The following USH2A variants were observed in gnomAD, a reference collection of about 807,000 sequenced individuals.
USH2A encodes the protein usherin, also known as Usher syndrome 2A (autosomal recessive, mild).
USH2A carries 443 observed loss-of-function variants against 538.9 expected under a neutral mutation model. The observed-to-expected ratio is 0.82, with a 90% confidence interval of 0.76 to 0.89. The LOEUF (loss-of-function observed/expected upper bound fraction) is 0.89, where lower values mean the gene tolerates loss of function less well. USH2A is among the 40% of genes least tolerant of loss of function. The pLI, the probability that USH2A is intolerant of heterozygous loss-of-function variation, is 0.00. For synonymous variants in USH2A, 2,413 were observed against 2,273.5 expected (o/e 1.06, Z -1.75); for missense variants, 6,633 against 6,324.8 (o/e 1.05, Z -1.65).
intron 36 of USH2A, among the ~76,000 whole-genome samples, chr1:215,965,683 C>G (rs1487233564): frequency 6.6e-6 from 1 of 152,068 alleles, no homozygotes; most frequent in African/African-American, 2.4e-5. Context: ...AGAATTTGAG[C>G]TCTTGACCAA....
At chr1:216,301,099 G>C (rs565322458) in intron 9 of USH2A, among the ~76,000 whole-genome samples, 4 of 151,860 alleles carry the variant, frequency 2.6e-5, no homozygotes, top group African/African-American at 9.7e-5. Context: ...TACAGAGAAA[G>C]TAGAAACTTG....
intron 59 of USH2A, among the ~76,000 whole-genome samples, chr1:215,741,980 C>T (rs1317732401): frequency 6.6e-6 from 1 of 152,118 alleles, no homozygotes; most frequent in Non-Finnish European, 1.5e-5. Flanking sequence ...ATAAAACAAT[C>T]TATTTGAAGG....
intron 52 of USH2A, among the ~76,000 whole-genome samples, chr1:215,784,439 C>A (rs1226742825): frequency 6.6e-6 from 1 of 152,172 alleles, no homozygotes. Context: ...CTCAAGCCCA[C>A]ATTACCATTT....
intron 48 of USH2A, among the ~76,000 whole-genome samples, chr1:215,815,406 ATTT>A (rs5780858): frequency 1.0e-4 from 15 of 146,528 alleles, no homozygotes; most frequent in Middle Eastern, 3.5e-3. Context: ...GACCCGTATG[ATTT>A]TTTTTTTTTT....
intron 32 of USH2A, among the ~76,000 whole-genome samples, chr1:216,007,660 A>G (rs920657626): frequency 1.3e-5 from 2 of 152,224 alleles, no homozygotes; most frequent in Admixed American, 1.3e-4. Context: ...CAGTTGCCCA[A>G]GTGTGATGTA....
At chr1:216,373,192 C>A (rs1259697938) in intron 3 of USH2A, among the ~76,000 whole-genome samples, 1 of 152,072 alleles carries the variant, frequency 6.6e-6, no homozygotes, top group South Asian at 2.1e-4. Context: ...AAAGCACAGA[C>A]CTTTTCTTCA....
chr1:215,627,429 C>CTTCCTTCTTTCCTTCCTTCT (rs1558027400), intron 71 of USH2A, among the ~76,000 whole-genome samples: 97 of 83,996 alleles, frequency 1.2e-3, no homozygotes, highest in South Asian at 1.7e-3. Flanking sequence ...TCCTTCCTTC[C>CTTCCTTCTTTCCTTCCTTCT]TTCCTTCCTT....
chr1:215,800,233 T>C (rs1463612759), intron 49 of USH2A, among the ~76,000 whole-genome samples: 1 of 152,118 alleles, frequency 6.6e-6, no homozygotes. Flanking sequence ...ATGACCCCAC[T>C]GTGGTTGTCT....
In USH2A at chr1:215,809,099, T is replaced by C. The variant is rs138725165; in HGVS notation, c.9739+4637A>G. On this transcript the variant is annotated intron_variant, in intron 49 of 71. Coordinates refer to ENST00000307340, the MANE Select transcript of USH2A (RefSeq NM_206933.4). ...GAGACCAATGAAGGAGCAACGAGCT[T>C]ATTGTAAACAGTAAAGTTACTGTAT... 3.7e-3 allele frequency among the ~76,000 whole-genome samples: 559 copies of C among 152,268 alleles called. 3 individuals are homozygous for C. Among genetic ancestry groups the C allele is most frequent in the African/African-American group, 0.013 (531 of 41,566 alleles).
At chr1:216,367,035 G>A (rs1405220553) in intron 3 of USH2A, among the ~76,000 whole-genome samples, 1 of 151,984 alleles carries the variant, frequency 6.6e-6, no homozygotes, top group East Asian at 1.9e-4. Flanking sequence ...GTTCTCAGTG[G>A]TATTAATGCA....
At chr1:216,391,948 T>C (rs971072557) in intron 3 of USH2A, among the ~76,000 whole-genome samples, 2 of 152,200 alleles carry the variant, frequency 1.3e-5, no homozygotes, top group African/African-American at 4.8e-5. Context: ...CTTGCCTCTG[T>C]TAAATCTCTC....
At chr1:216,144,420 A>C (rs970619134) in intron 21 of USH2A, among the ~76,000 whole-genome samples, 3 of 152,140 alleles carry the variant, frequency 2.0e-5, no homozygotes, top group Admixed American at 1.3e-4. Flanking sequence ...ACCAAGTTAA[A>C]CAAAACACAT....
chr1:216,151,337 G>A (rs538715939), intron 21 of USH2A, among the ~76,000 whole-genome samples: 3 of 152,162 alleles, frequency 2.0e-5, no homozygotes, highest in South Asian at 2.1e-4. Flanking sequence ...ACCTACATGT[G>A]TCTACCTGCC....
At chr1:216,174,551 T>A in intron 21 of USH2A, 6 of 982,964 alleles carry the variant, frequency 6.1e-6, no homozygotes, top group Non-Finnish European at 7.2e-6. Flanking sequence ...TGCTTTCACA[T>A]TGATTTTCAT....
intron 21 of USH2A, among the ~76,000 whole-genome samples, chr1:216,101,174 TATAG>T (rs1222359852): frequency 1.3e-5 from 2 of 152,246 alleles, no homozygotes; most frequent in African/African-American, 2.4e-5. Context: ...TTGCCATAGA[TATAG>T]ATAAATTCTA....
At position 215,900,833 on chromosome 1, in the gene USH2A, G is replaced by A; in HGVS notation, c.7373C>T (p.Pro2458Leu). ...AGAGCCAGGAGCGTTATTACGAGCT[G>A]GTGTAGACCAGACAACCTGAAGACT... ...PTSLQVVWST[P>L]ARNNAPGSPR... Residue 2458 changes from proline (P) to leucine (L), a missense_variant, in exon 39 of 72, where the codon CCA becomes CTA. Physicochemically the swap from Pro to Leu is moderately conservative, Grantham distance 98 (BLOSUM62 -3). Transcript: ENST00000307340. 1 of 1,613,810 alleles carries A rather than the reference G, an allele frequency of 6.2e-7. No individual in the cohort carries two copies. Among genetic ancestry groups the A allele is most frequent in the South Asian group, 1.1e-5 (1 of 91,080 alleles).
intron 11 of USH2A, among the ~76,000 whole-genome samples, chr1:216,254,724 A>G (rs1175525288): frequency 1.3e-5 from 2 of 152,108 alleles, no homozygotes; most frequent in Admixed American, 1.3e-4. Context: ...ACCACCACAT[A>G]TGAGAGTGAG....
At chr1:215,832,205 C>G (rs1481852534) in intron 47 of USH2A, among the ~76,000 whole-genome samples, 4 of 151,564 alleles carry the variant, frequency 2.6e-5, no homozygotes, top group Non-Finnish European at 5.9e-5. Context: ...TGAATTTTAC[C>G]AAGATTTAAG....
At chr1:215,702,225 G>A (rs182505342) in intron 61 of USH2A, among the ~76,000 whole-genome samples, 57 of 152,284 alleles carry the variant, frequency 3.7e-4, no homozygotes, top group South Asian at 8.3e-4. Context: ...TAGGTAACCC[G>A]ACCTTTGTCT....
Sources: gnomAD v4.1 joint callset for allele counts (sites outside exome capture counted in the v4.1 genomes callset) on GRCh38, gnomAD v4.1.1 for gene constraint, MANE v1.5 for transcripts, NCBI Gene and HGNC (gene_info 2026-07-23, HGNC 2026-07-21) for gene names.